The following NT5C2 variants were observed in gnomAD, a reference collection of about 807,000 sequenced individuals.
NT5C2 encodes 5'-nucleotidase, cytosolic II.
A neutral mutation model predicts 76.1 loss-of-function variants in NT5C2; 58 were observed. The ratio of observed to expected loss-of-function variants is 0.76; its 90% CI spans 0.62 to 0.95. The LOEUF is 0.95. Ranked by LOEUF, NT5C2 falls within the 40% of genes least tolerant of loss-of-function variation. The probability of loss-of-function intolerance (pLI) is 0.00; values close to 1 mark genes in which losing one functional copy is unlikely to be tolerated. For missense variants in NT5C2, 478 were observed against 690.3 expected (o/e 0.69, Z 3.45); for synonymous variants, 229 against 237.4 (o/e 0.96, Z 0.32).
At chr10:103,150,707 T>TA (rs1343799229) in intron 3 of NT5C2, among the ~76,000 whole-genome samples, 1 of 152,246 alleles carries the variant, frequency 6.6e-6, no homozygotes, top group Non-Finnish European at 1.5e-5. Context: ...TATCTCACTA[T>TA]AGTTTTAATT....
At chr10:103,100,670 G>T (rs1449948214) in intron 8 of NT5C2, 1 of 478,850 alleles carries the variant, frequency 2.1e-6, no homozygotes, top group Admixed American at 2.3e-5. Context: ...TACCATCCCT[G>T]AATGGCTCCT....
intron 15 of NT5C2, among the ~76,000 whole-genome samples, chr10:103,092,914 G>C (rs574593114): frequency 4.3e-5 from 6 of 139,606 alleles, no homozygotes; most frequent in Admixed American, 7.1e-5. Flanking sequence ...ACTTAACCTC[G>C]AAGAGATTCA....
chr10:103,129,849 C>G (rs1398032519), intron 4 of NT5C2, among the ~76,000 whole-genome samples: 1 of 84,190 alleles, frequency 1.2e-5, no homozygotes, highest in African/African-American at 5.3e-5. Context: ...AGCCCCTCTG[C>G]CCGGCCAGCC....
chr10:103,113,446 C>T (rs535804074), intron 4 of NT5C2, among the ~76,000 whole-genome samples: 48 of 151,804 alleles, frequency 3.2e-4, no homozygotes, highest in Middle Eastern at 3.2e-3. Flanking sequence ...TTTTAAAAAT[C>T]GTCTTTAACC....
chr10:103,146,479 AG>A (rs1391365924), intron 3 of NT5C2: 1 of 980,544 alleles, frequency 1.0e-6, no homozygotes, highest in African/African-American at 1.7e-5. Context: ...AATCAAGAAA[AG>A]AAAAAGTTAC....
intron 3 of NT5C2, among the ~76,000 whole-genome samples, chr10:103,144,374 G>A (rs1362352544): frequency 1.3e-5 from 2 of 152,198 alleles, no homozygotes; most frequent in Non-Finnish European, 2.9e-5. Context: ...AAAGATGCTA[G>A]CTAGCTTCAA....
rs1463789039 is a variant in NT5C2, at chr10:103,089,225, C to T, written c.*447G>A. On this transcript the variant is annotated 3_prime_UTR_variant, in exon 19 of 19. Transcript: ENST00000404739. ...TGATCATGGAAATAATACATTTCTCCACTGATATACAATACCATGTAATGC... is the reference window on the plus strand; with the variant it reads ...TGATCATGGAAATAATACATTTCTCTACTGATATACAATACCATGTAATGC... The T allele has an allele frequency of 4.5e-6, 1 of 220,694 alleles. No homozygotes were observed. Among genetic ancestry groups the T allele is most frequent in the Non-Finnish European group, 9.1e-6 (1 of 110,456 alleles). The allele number at this position is 220,694 out of a possible 1,614,324, so 13.7% of individuals were successfully genotyped here. A position where few individuals can be genotyped will look rare whatever the true frequency, so the allele number is the denominator to read the frequency against.
At chr10:103,191,236 G>A (rs1421204539) in intron 1 of NT5C2, among the ~76,000 whole-genome samples, 1 of 152,014 alleles carries the variant, frequency 6.6e-6, no homozygotes, top group African/African-American at 2.4e-5. Context: ...TACAAAATTA[G>A]CCAGGCGTGG....
intron 16 of NT5C2, among the ~76,000 whole-genome samples, chr10:103,091,199 C>T (rs993217359): frequency 1.3e-5 from 2 of 151,946 alleles, no homozygotes; most frequent in African/African-American, 4.8e-5. Context: ...CCACACTCAG[C>T]TACTTTTTGT....
chr10:103,140,703 A>G (rs1294604951), intron 3 of NT5C2, among the ~76,000 whole-genome samples: 1 of 152,156 alleles, frequency 6.6e-6, no homozygotes, highest in Non-Finnish European at 1.5e-5. Flanking sequence ...TTTATTTCTT[A>G]TCTTTTTGAT....
chr10:103,090,529 A>G lies in NT5C2; in HGVS notation c.1449+82T>C, dbSNP rs947503120. ...TACATCAGAAAGAAATGTTCAAACT[A>G]TCTCCTGTGCCATCTCACAAAGGTG... is the stretch of plus-strand genomic sequence containing the variant. On this transcript the variant is annotated intron_variant, in intron 18 of 18. Transcript: ENST00000404739. The G allele has an allele frequency of 8.0e-6, 10 of 1,253,176 alleles. No individual in the cohort carries two copies. The African/African-American group carries it at 1.1e-4, about 13-fold the overall frequency. 77.6% of individuals were successfully genotyped at this position (1,253,176 alleles called of 1,614,324 possible). A position where few individuals can be genotyped will look rare whatever the true frequency, so the allele number is the denominator to read the frequency against.
intron 4 of NT5C2, among the ~76,000 whole-genome samples, chr10:103,133,471 G>A (rs1398990440): frequency 1.3e-5 from 2 of 152,086 alleles, no homozygotes; most frequent in Non-Finnish European, 2.9e-5. Context: ...ATGTTGGCCA[G>A]GCAGGTCTCG....
At chr10:103,191,753 TTTG>T (rs1341398035) in intron 1 of NT5C2, among the ~76,000 whole-genome samples, 1 of 151,562 alleles carries the variant, frequency 6.6e-6, no homozygotes, top group Non-Finnish European at 1.5e-5. Context: ...ATTTTACAGA[TTTG>T]TTGGTTACTA....
Position 103,106,611 on chromosome 10 carries a change from A to G in NT5C2, c.271T>C (p.Tyr91His). The G allele has an allele frequency of 6.2e-7, 1 of 1,611,674 alleles. No homozygotes were observed. The highest frequency in any genetic ancestry group is 1.1e-5 in the South Asian group (1 of 91,040). ...TACCTGGTAGGGAATGTAGAATCAT[A>G]AGCAAAGCTGAGCAACTCCTGGGGA... ...GYPQELLSFA[Y>H]DSTFPTRGLV... The change falls in exon 5 of 19, where the codon TAT (tyrosine) becomes CAT (histidine). Residue 91 changes from tyrosine (Y) to histidine (H), a missense_variant. Transcript: ENST00000404739.
At chr10:103,126,369 A>G (rs904636559) in intron 4 of NT5C2, among the ~76,000 whole-genome samples, 8 of 152,200 alleles carry the variant, frequency 5.3e-5, no homozygotes, top group African/African-American at 1.9e-4. Flanking sequence ...CACATCTGTA[A>G]TCCCAGCACT....
At chr10:103,098,171 A>G (rs2068665541) in intron 10 of NT5C2, 2 of 443,654 alleles carry the variant, frequency 4.5e-6, no homozygotes, top group East Asian at 6.6e-5. Flanking sequence ...GACTTATAGA[A>G]AAGCTGTGAA....
intron 3 of NT5C2, chr10:103,153,414 A>C: frequency 8.8e-7 from 1 of 1,141,858 alleles, no homozygotes; most frequent in Non-Finnish European, 1.1e-6. Flanking sequence ...TCAGGCCCTG[A>C]GAGGCCCAAC....
At chr10:103,180,781 A>G (rs1486635071) in intron 2 of NT5C2, among the ~76,000 whole-genome samples, 1 of 152,206 alleles carries the variant, frequency 6.6e-6, no homozygotes, top group Non-Finnish European at 1.5e-5. Context: ...CAGAAACTAC[A>G]AACAACCCAA....
At chr10:103,153,513 T>G (rs1215878025) in intron 3 of NT5C2, 1 of 985,108 alleles carries the variant, frequency 1.0e-6, no homozygotes, top group African/African-American at 1.7e-5. Context: ...TAAGAATAAT[T>G]TTTTTAAAAA....
Sources: gnomAD v4.1 joint callset for allele counts (sites outside exome capture counted in the v4.1 genomes callset) on GRCh38, gnomAD v4.1.1 for gene constraint, MANE v1.5 for transcripts, NCBI Gene and HGNC (gene_info 2026-07-23, HGNC 2026-07-21) for gene names.